Variants in CSMD3 observed in about 807,000 individuals in gnomAD.
CSMD3 encodes CUB and sushi domain-containing protein 3.
CSMD3 carries 177 observed loss-of-function variants against 435.2 expected under a neutral mutation model. The ratio of observed to expected loss-of-function variants is 0.41; its 90% confidence interval spans 0.36 to 0.46. The LOEUF (loss-of-function observed/expected upper bound fraction) is 0.46. CSMD3 is among the 20% of genes least tolerant of loss of function. The pLI is 0.34. For synonymous variants in CSMD3, 1,656 were observed against 1,520.5 expected (o/e 1.09, Z -2.07); for missense variants, 4,265 against 4,504.6 (o/e 0.95, Z 1.52).
At chr8:113,376,685 G>A (rs1588626783) in intron 1 of CSMD3, 12 of 1,607,630 alleles carry the variant, frequency 7.5e-6, no homozygotes, top group African/African-American at 1.3e-5. Flanking sequence ...GTTGACACCC[G>A]CCACAAGGAC....
intron 6 of CSMD3, among the ~76,000 whole-genome samples, chr8:113,007,007 T>C (rs1447729676): frequency 6.6e-6 from 1 of 151,784 alleles, no homozygotes; most frequent in African/African-American, 2.4e-5. Flanking sequence ...CTCAGCTAGA[T>C]CCAAGAAAGA....
chr8:113,274,749 C>T (rs1221712938), intron 3 of CSMD3, among the ~76,000 whole-genome samples: 1 of 151,512 alleles, frequency 6.6e-6, no homozygotes, highest in Non-Finnish European at 1.5e-5. Flanking sequence ...GCTTGATGAC[C>T]TTTACTCACC....
chr8:112,754,363 A>G, intron 13 of CSMD3, among the ~76,000 whole-genome samples: 1 of 152,182 alleles, frequency 6.6e-6, no homozygotes, highest in East Asian at 1.9e-4. Flanking sequence ...AGATGAGGAG[A>G]GGCTGAAGTT....
chr8:112,355,843 T>A (rs551793113), intron 38 of CSMD3, among the ~76,000 whole-genome samples: 1 of 140,866 alleles, frequency 7.1e-6, no homozygotes, highest in South Asian at 2.2e-4. Context: ...AAAAAATAAA[T>A]AGATAAAAAA....
intron 32 of CSMD3, among the ~76,000 whole-genome samples, chr8:112,462,082 C>A (rs373116264): frequency 5.9e-5 from 9 of 152,298 alleles, no homozygotes; most frequent in East Asian, 5.8e-4. Flanking sequence ...TAGAGGCAAA[C>A]GACTGCAATC....
intron 1 of CSMD3, among the ~76,000 whole-genome samples, chr8:113,353,962 A>T (rs1293737814): frequency 1.3e-5 from 2 of 151,978 alleles, no homozygotes; most frequent in South Asian, 4.1e-4. Context: ...TTTGTCTCCT[A>T]CTTTTCTCAT....
intron 11 of CSMD3, among the ~76,000 whole-genome samples, chr8:112,844,791 C>T (rs892631802): frequency 2.0e-5 from 3 of 151,912 alleles, no homozygotes; most frequent in South Asian, 4.1e-4. Context: ...CTGTGCATCT[C>T]GGTTGTTTTA....
intron 64 of CSMD3, among the ~76,000 whole-genome samples, chr8:112,246,789 CT>C (rs1814773188): frequency 6.6e-6 from 1 of 152,054 alleles, no homozygotes; most frequent in Admixed American, 6.6e-5. Context: ...AACATAAGGT[CT>C]TTACAAAAAG....
Position 112,879,711 on chromosome 8 carries a change from T to G in CSMD3, c.1634-20445A>C, listed in dbSNP as rs543290859. Among the ~76,000 whole-genome samples, 7 of 152,128 alleles carry G rather than the reference T, an allele frequency of 4.6e-5. No homozygotes were observed. In the South Asian group the frequency reaches 1.2e-3, roughly 27 times the overall value. On this transcript the variant is annotated intron_variant, in intron 10 of 70. Transcript: ENST00000297405. ...CTTTATTTCTCAGACCAGCTGACAC[T>G]TAGGGAAAATAGAAAAGAATCTACA...
chr8:112,634,307 C>G (rs1053067281), intron 22 of CSMD3, among the ~76,000 whole-genome samples: 1 of 151,414 alleles, frequency 6.6e-6, no homozygotes. Flanking sequence ...CAAGAAGGAA[C>G]AAATTTGTTT....
At chr8:113,251,061 T>G (rs1051936853) in intron 3 of CSMD3, among the ~76,000 whole-genome samples, 12 of 152,152 alleles carry the variant, frequency 7.9e-5, no homozygotes, top group African/African-American at 2.9e-4. Context: ...TTTTACATAC[T>G]TTATTCTTTA....
At chr8:112,458,799 T>C (rs908004583) in intron 32 of CSMD3, among the ~76,000 whole-genome samples, 6 of 152,048 alleles carry the variant, frequency 3.9e-5, no homozygotes, top group Non-Finnish European at 7.4e-5. Flanking sequence ...GCAAAGCTGG[T>C]GATTGGACAC....
At chr8:112,375,856 T>C in intron 38 of CSMD3, among the ~76,000 whole-genome samples, 1 of 152,126 alleles carries the variant, frequency 6.6e-6, no homozygotes, top group East Asian at 1.9e-4. Flanking sequence ...AAAGTCAAAT[T>C]TCTCATTACG....
At chr8:112,435,347 G>A (rs1232729524) in intron 32 of CSMD3, among the ~76,000 whole-genome samples, 1 of 152,002 alleles carries the variant, frequency 6.6e-6, no homozygotes, top group Non-Finnish European at 1.5e-5. Context: ...TGTGTGGCAG[G>A]TATTAACATT....
intron 4 of CSMD3, among the ~76,000 whole-genome samples, chr8:113,113,507 C>T (rs1442013033): frequency 6.6e-6 from 1 of 152,106 alleles, no homozygotes; most frequent in Non-Finnish European, 1.5e-5. Flanking sequence ...TTTTTAAAGG[C>T]TAGGTTTAGA....
At chr8:112,373,087 C>G (rs1828594362) in intron 38 of CSMD3, among the ~76,000 whole-genome samples, 1 of 149,652 alleles carries the variant, frequency 6.7e-6, no homozygotes, top group Non-Finnish European at 1.5e-5. Flanking sequence ...GGAATCTCAG[C>G]CAAATTTCCA....
At chr8:112,295,752 T>C (rs1820195959) in intron 54 of CSMD3, 81 bp downstream of exon 54, 4 of 1,142,764 alleles carry the variant, frequency 3.5e-6, no homozygotes, top group Non-Finnish European at 5.2e-6. Context: ...CAACATAATA[T>C]ATATATTCAT....
At position 112,975,855 on chromosome 8, in the gene CSMD3, C is replaced by A. The variant is rs373612337; in HGVS notation, c.1324G>T (p.Ala442Ser). The change falls in exon 7 of 71, where the codon GCA (alanine) becomes TCA (serine). Residue 442 changes from alanine to serine, a missense_variant. Coordinates refer to ENST00000297405, the MANE Select transcript of CSMD3 (RefSeq NM_198123.2). Reference sequence around the variant, plus strand: ...CCAATACCTCTATGAGTAACAACTGCAAGCTCTTTAGTTCTTTCTATCTGT... The same window carrying A: ...CCAATACCTCTATGAGTAACAACTGAAAGCTCTTTAGTTCTTTCTATCTGT... ...AEQIERTKEL[A>S]VVTHRVKKAI... is the part of the protein sequence containing the mutation. 4 of 1,613,408 alleles carry A rather than the reference C, an allele frequency of 2.5e-6. No individual in the cohort carries two copies. Among genetic ancestry groups the A allele is most frequent in the Non-Finnish European group, 3.4e-6 (4 of 1,179,844 alleles).
chr8:113,233,883 T>C (rs373464586), intron 3 of CSMD3, among the ~76,000 whole-genome samples: 12 of 152,060 alleles, frequency 7.9e-5, no homozygotes, highest in African/African-American at 2.7e-4. Flanking sequence ...CTGAGTTAGA[T>C]AAAAAGATCA....
Sources: gnomAD v4.1 joint callset for allele counts (sites outside exome capture counted in the v4.1 genomes callset) on GRCh38, gnomAD v4.1.1 for gene constraint, MANE v1.5 for transcripts, NCBI Gene and HGNC (gene_info 2026-07-23, HGNC 2026-07-21) for gene names.